The following ANO8 variants were observed in gnomAD, a reference collection of about 807,000 sequenced individuals.
ANO8 encodes the protein anoctamin-8.
In ANO8, 67 loss-of-function variants were observed where a neutral mutation model predicts 120.4. The observed-to-expected ratio is 0.56, with a 90% confidence interval of 0.46 to 0.68. The LOEUF is 0.68. ANO8 is among the 30% of genes least tolerant of loss of function. The pLI is 0.00. For missense variants in ANO8, 1,526 were observed against 1,737.6 expected (o/e 0.88, Z 2.16); for synonymous variants, 727 against 759.2 (o/e 0.96, Z 0.70).
In ANO8 at chr19:17,324,902, A is replaced by T; in HGVS notation, c.3146T>A (p.Phe1049Tyr). 1 of 1,613,432 alleles carries T rather than the reference A, an allele frequency of 6.2e-7. No homozygotes were observed. Among genetic ancestry groups the T allele is most frequent in the Non-Finnish European group, 8.5e-7 (1 of 1,179,854 alleles). ...SERSHSPPKAFHAGKLFPFGG... is the reference protein window; with the variant it reads ...SERSHSPPKAYHAGKLFPFGG... ...AAAGGGGAAGAGCTTGCCAGCATGGAAGGCTTTGGGCGGTGAGTGGCTGCG... is the reference window on the plus strand; with the variant it reads ...AAAGGGGAAGAGCTTGCCAGCATGGTAGGCTTTGGGCGGTGAGTGGCTGCG... The change falls in exon 17 of 18, where the codon TTC becomes TAC. Residue 1049 changes from phenylalanine (F) to tyrosine (Y), a missense_variant. By Grantham distance (22) the Phe-to-Tyr change is conservative. This residue lies in a region of ANO8 where 489 missense variants were observed against 548.6 expected (regional missense o/e 0.89). Transcript: ENST00000159087.
Position 17,327,516 on chromosome 19 carries a change from G to A in ANO8, c.2472C>T (p.Ile824=). The A allele has an allele frequency of 6.2e-7, 1 of 1,613,414 alleles. No homozygotes were observed. Among genetic ancestry groups the A allele is most frequent in the East Asian group, 2.2e-5 (1 of 44,878 alleles). The change falls in exon 15 of 18, where the codon ATC becomes ATT. Residue 824 remains isoleucine (I), a synonymous_variant. Transcript: ENST00000159087. ...GGCGCTGCAGCTGCCCGCACTGGCCGATTAAGTAGCAGTTGACCACAATCG... is the reference window on the plus strand; with the variant it reads ...GGCGCTGCAGCTGCCCGCACTGGCCAATTAAGTAGCAGTTGACCACAATCG... ...VLAIVVNCYL[I]GQCGQLQRLF... is the part of the protein sequence containing the mutation.
intron 16 of ANO8, among the ~76,000 whole-genome samples, chr19:17,326,574 G>A (rs1006755030): frequency 6.6e-6 from 1 of 152,116 alleles, no homozygotes; most frequent in Non-Finnish European, 1.5e-5. Flanking sequence ...AGGTAGCCAC[G>A]CGAGGCTCTG....
At position 17,333,847 on chromosome 19, in the gene ANO8, G is replaced by A. The variant is rs780195637; in HGVS notation, c.107-47C>T. 4.0e-6 allele frequency: 6 copies of A among 1,502,298 alleles called. No individual in the cohort carries two copies. Among genetic ancestry groups the A allele is most frequent in the Non-Finnish European group, 4.5e-6 (5 of 1,104,092 alleles). The allele number at this position is 1,502,298 out of a possible 1,614,324, so 93.1% of individuals were successfully genotyped here. The stretch of plus-strand genomic sequence containing the variant: ...CCGGGTCAGGCCACTCTGGGATCCG[G>A]ACCCGGCCTCCAGTCTTGGCTCCTC... On this transcript the variant is annotated intron_variant, in intron 1 of 17. Coordinates refer to ENST00000159087, the MANE Select transcript of ANO8 (RefSeq NM_020959.3). This position sits in a 1 kb window ranked among gnomAD's most constrained non-coding sequence, Gnocchi z 7.2.
intron 12 of ANO8, 35 bp from the exon 13 acceptor site, chr19:17,329,018 G>T: frequency 2.9e-6 from 4 of 1,403,014 alleles, no homozygotes; most frequent in Non-Finnish European, 3.7e-6. Context: ...GAGGCGCGTG[G>T]GGGGCAAGCG....
At chr19:17,332,713 T>C (rs2074327992) in intron 5 of ANO8, among the ~76,000 whole-genome samples, 1 of 152,208 alleles carries the variant, frequency 6.6e-6, no homozygotes, top group African/African-American at 2.4e-5. Context: ...CCTGACCTCC[T>C]GTCCTGATAA....
rs1018401482 is a variant in ANO8, at chr19:17,333,359, G to T, written c.350+63C>A. 9 of 1,611,636 alleles carry T rather than the reference G, an allele frequency of 5.6e-6. No individual in the cohort carries two copies. The highest frequency in any genetic ancestry group is 7.6e-6 in the Non-Finnish European group (9 of 1,179,074). ...GCAGGGCGGCTGGATAGCATGGTTG[G>T]CACTTGGTAGAGCGGGGAGTCGGGT... On this transcript the variant is annotated intron_variant, in intron 3 of 17. Coordinates refer to ENST00000159087, the MANE Select transcript of ANO8 (RefSeq NM_020959.3). This position sits in a 1 kb window ranked among gnomAD's most constrained non-coding sequence, Gnocchi z 7.2.
rs931823396 is a variant in ANO8 at position 17,333,790 on chromosome 19, G to A, written c.117C>T (p.Phe39=). 1.9e-5 allele frequency: 31 copies of A among 1,597,868 alleles called. No individual in the cohort carries two copies. Among genetic ancestry groups the A allele is most frequent in the African/African-American group, 1.6e-4 (12 of 74,532 alleles). ...APASGVLDKL[F]GKRLLQAGRY... is the part of the protein sequence containing the mutation. ...GACCAGCCTGCAGGAGCCGCTTTCC[G>A]AAAAGCTTATCTAGGGGGCGGCGTA... is the stretch of plus-strand genomic sequence containing the variant. The change falls in exon 2 of 18, where the codon TTC becomes TTT. Residue 39 remains phenylalanine, a synonymous_variant. Transcript: ENST00000159087. This position sits in a 1 kb window ranked among gnomAD's most constrained non-coding sequence, Gnocchi z 7.2.
At chr19:17,331,460 G>A in intron 5 of ANO8, 49 bp from the exon 6 acceptor site, 1 of 1,549,830 alleles carries the variant, frequency 6.5e-7, no homozygotes, top group Non-Finnish European at 8.9e-7. Context: ...CCTGTGCCTA[G>A]CCTGGCTAGC....
chr19:17,325,164 G>A lies in ANO8; in HGVS notation c.2884C>T (p.Arg962Trp), dbSNP rs551413877. 13 of 1,613,200 alleles carry A rather than the reference G, an allele frequency of 8.1e-6. No individual in the cohort carries two copies. The highest frequency in any genetic ancestry group is 3.3e-4 in the Middle Eastern group (2 of 6,084). ...AGCAGGGACCCTGGGCGCTTGGGCC[G>A]TTCAGGCCCGTGGCCACCCGCAGTG... ...GSTAGGHGPE[R>W]PKRPGSLLAP... The change falls in exon 17 of 18, where the codon CGG (arginine) becomes TGG (tryptophan). Residue 962 changes from arginine to tryptophan, a missense_variant. Physicochemically the swap from Arg to Trp is moderately radical, Grantham distance 101. Transcript: ENST00000159087.
intron 8 of ANO8, 54 bp from the exon 9 acceptor site, chr19:17,330,558 C>G: frequency 6.8e-7 from 1 of 1,462,424 alleles, no homozygotes; most frequent in East Asian, 2.5e-5. Flanking sequence ...CCACCTCTGC[C>G]TTCTGCACCC....
Position 17,328,917 on chromosome 19 carries a change from G to T in ANO8, c.1471C>A (p.Leu491Met). 6.6e-7 allele frequency: 1 copy of T among 1,513,194 alleles called. No homozygotes were observed. Among genetic ancestry groups the T allele is most frequent in the Admixed American group, 2.1e-5 (1 of 48,540 alleles). The allele number at this position is 1,513,194 out of a possible 1,614,324, so 93.7% of individuals were successfully genotyped here. The change falls in exon 13 of 18, where the codon CTG becomes ATG. Residue 491 changes from leucine to methionine, a missense_variant. Coordinates refer to ENST00000159087, the MANE Select transcript of ANO8 (RefSeq NM_020959.3). ...TCGCCGCGGCCCAGGCGCCGGTACA[G>T]GTGCGGCTGCAGGACCTCGCGCACG... ...QNVREVLQPH[L>M]YRRLGRGELG...
Position 17,327,856 on chromosome 19 carries a change from TCTC to T in ANO8, c.2248_2250del (p.Glu750del). The T allele has an allele frequency of 2.5e-6, 4 of 1,613,982 alleles. No homozygotes were observed. The highest frequency in any genetic ancestry group is 3.4e-6 in the Non-Finnish European group (4 of 1,179,898). On this transcript the variant is annotated inframe_deletion, in exon 14 of 18. Coordinates refer to ENST00000159087, the MANE Select transcript of ANO8 (RefSeq NM_020959.3). ...ACAACGTAGCCGAACTGCACGAACA[TCTC>T]CTGGTAGTCCTGGAACGTGTCCTGC...
chr19:17,323,957 C>T (rs2074256230), intron 17 of ANO8, 73 bp from the exon 18 acceptor site: 2 of 1,066,364 alleles, frequency 1.9e-6, no homozygotes, highest in Admixed American at 5.3e-5. Context: ...CAACCCTGCC[C>T]GCGCTCCCTC....
At chr19:17,332,611 C>T (rs2074327307) in intron 5 of ANO8, among the ~76,000 whole-genome samples, 1 of 152,170 alleles carries the variant, frequency 6.6e-6, no homozygotes, top group Admixed American at 6.5e-5. Context: ...ACCCACCTCC[C>T]AGAAATAAGC....
intron 16 of ANO8, 62 bp downstream of exon 16, chr19:17,327,173 A>G: frequency 7.2e-7 from 1 of 1,382,924 alleles, no homozygotes; most frequent in Non-Finnish European, 9.8e-7. Context: ...TTGGCCACCA[A>G]GATCAGAGAT....
Position 17,333,653 on chromosome 19 carries a change from C to T in ANO8, c.217+37G>A. On this transcript the variant is annotated intron_variant, in intron 2 of 17. Transcript: ENST00000159087. This position sits in a 1 kb window ranked among gnomAD's most constrained non-coding sequence, Gnocchi z 7.2. ...GAAGCCGAGCTCAGGAGAGCCGCAT[C>T]TGGGCACTGGGCGGGCGGGCGGGCG... 6 of 564,098 alleles carry T rather than the reference C, an allele frequency of 1.1e-5. No individual in the cohort carries two copies. Among genetic ancestry groups the T allele is most frequent in the Non-Finnish European group, 1.5e-5 (6 of 408,112 alleles). The allele number at this position is 564,098 out of a possible 1,614,324, so 34.9% of individuals were successfully genotyped here. A position where few individuals can be genotyped will look rare whatever the true frequency, so the allele number is the denominator to read the frequency against.
rs1400678986 is a variant in ANO8, at chr19:17,324,719, G to C, written c.3329C>G (p.Ser1110Ter). 1 of 1,522,920 alleles carries C rather than the reference G, an allele frequency of 6.6e-7. No homozygotes were observed. Among genetic ancestry groups the C allele is most frequent in the African/African-American group, 1.4e-5 (1 of 71,894 alleles). 94.3% of individuals were successfully genotyped at this position (1,522,920 alleles called of 1,614,324 possible). A position where few individuals can be genotyped will look rare whatever the true frequency, so the allele number is the denominator to read the frequency against. The change falls in exon 17 of 18, where the codon TCA (serine) becomes TGA (stop). Residue 1110 changes from serine to a stop codon, truncating the protein, a stop_gained and splice_region_variant. Transcript: ENST00000159087. LOFTEE classifies it low-confidence loss of function (END_TRUNC). ...LEAPRPEEEG[S>*]GTALAPVGAP... Reference sequence around the variant, plus strand: ...ACCCCCGAGTTAAAGCTTGTGACCTGAGCCTTCCTCTTCGGGCCGGGGGGC... The same window carrying C: ...ACCCCCGAGTTAAAGCTTGTGACCTCAGCCTTCCTCTTCGGGCCGGGGGGC...
Position 17,328,709 on chromosome 19 carries a change from G to A in ANO8, c.1679C>T (p.Ala560Val), listed in dbSNP as rs1448092673. 2 of 1,332,744 alleles carry A rather than the reference G, an allele frequency of 1.5e-6. No individual in the cohort carries two copies. The highest frequency in any genetic ancestry group is 1.6e-5 in the African/African-American group (1 of 63,180). The allele number at this position is 1,332,744 out of a possible 1,614,324, so 82.6% of individuals were successfully genotyped here. The change falls in exon 13 of 18, where the codon GCG becomes GTG. Residue 560 changes from alanine to valine, a missense_variant. By Grantham distance (64) the Ala-to-Val change is moderately conservative. Transcript: ENST00000159087. ...CGAPEEEEEAALVERRRAGEG... is the reference protein window; with the variant it reads ...CGAPEEEEEAVLVERRRAGEG... ...CCCCGCCCGCCGCCGCTCCACCAGC[G>A]CCGCCTCCTCCTCCTCCTCCGGCGC...
rs544960023 is a variant in ANO8 at position 17,330,501 on chromosome 19, C to T, written c.997G>A (p.Val333Met). ...VEEPRPQFRG[V>M]RRISPITRAE... ...CGCGTGATGGGGCTGATACGTCGCA[C>T]GCCCTGATGGTGGGCAAAGACCGGG... Residue 333 changes from valine to methionine, a missense_variant, in exon 9 of 18, where the codon GTG becomes ATG. Val to Met is a conservative substitution (Grantham distance 21). Transcript: ENST00000159087. 18 of 1,522,136 alleles carry T rather than the reference C, an allele frequency of 1.2e-5. No homozygotes were observed. The South Asian group carries it at 1.5e-4, about 13-fold the overall frequency. 94.3% of individuals were successfully genotyped at this position (1,522,136 alleles called of 1,614,324 possible). A position where few individuals can be genotyped will look rare whatever the true frequency, so the allele number is the denominator to read the frequency against.
Sources: allele counts gnomAD v4.1 joint callset (sites outside exome capture counted in the v4.1 genomes callset), GRCh38; gene constraint gnomAD v4.1.1; regional missense constraint gnomAD v4.1.1; non-coding constraint Gnocchi (gnomAD v3.1); transcripts MANE v1.5; gene names NCBI Gene and HGNC (gene_info 2026-07-23, HGNC 2026-07-21).